MIGA1: variants seen among roughly 807,000 people sequenced by gnomAD.
MIGA1 encodes mitoguardin 1.
Under a neutral mutation model 82.0 loss-of-function variants are expected in MIGA1, and 58 were observed. The observed-to-expected ratio is 0.71, with a 90% CI of 0.57 to 0.88. The LOEUF is 0.88. Ranked by LOEUF, MIGA1 falls within the 40% of genes least tolerant of loss-of-function variation. The pLI, the probability that MIGA1 is intolerant of heterozygous loss-of-function variation, is 0.00. For missense variants in MIGA1, 751 were observed against 749.1 expected, an observed-to-expected ratio of 1.00 and a Z score of -0.03; for synonymous variants, 249 against 253.6, an observed-to-expected ratio of 0.98 and a Z score of 0.17.
intron 12 of MIGA1, 82 bp from the exon 13 acceptor site, chr1:77,863,812 A>T: frequency 9.7e-7 from 1 of 1,036,138 alleles, no homozygotes; most frequent in Non-Finnish European, 1.4e-6. Context: ...CCCTGCTGTT[A>T]TAAAACCATA....
chr1:77,859,881 T>C, intron 10 of MIGA1, 159 bp from the exon 11 acceptor site: 1 of 553,444 alleles, frequency 1.8e-6, no homozygotes, highest in Non-Finnish European at 3.1e-6. Flanking sequence ...AAGAGTTCTT[T>C]TTATTTTAGT....
Position 77,874,905 on chromosome 1 carries a change from T to A in MIGA1, c.1740T>A (p.Ser580Arg). ...ACTTTGAGAAGGTGCGCTATTCAAG[T>A]ACAGAGACTTTAGCTGAAGACCTCA... The change falls in exon 16 of 16, where the codon AGT becomes AGA. Residue 580 changes from serine (S) to arginine (R), a missense_variant. This residue lies in a region of MIGA1 where 265 missense variants were observed against 293.6 expected (regional missense o/e 0.90). Coordinates refer to ENST00000370791, the MANE Select transcript of MIGA1 (RefSeq NM_198549.4). 6.2e-7 allele frequency: 1 copy of A among 1,614,174 alleles called. No individual in the cohort carries two copies. Among genetic ancestry groups the A allele is most frequent in the East Asian group, 2.2e-5 (1 of 44,870 alleles).
chr1:77,819,674 C>T (rs1290040623), intron 7 of MIGA1, among the ~76,000 whole-genome samples: 1 of 152,084 alleles, frequency 6.6e-6, no homozygotes, highest in African/African-American at 2.4e-5. Context: ...ACCTCTGCCT[C>T]CTGGGCTCAA....
intron 7 of MIGA1, among the ~76,000 whole-genome samples, chr1:77,832,376 A>G (rs1684273955): frequency 6.6e-6 from 1 of 152,260 alleles, no homozygotes; most frequent in Non-Finnish European, 1.5e-5. Flanking sequence ...ATAAAGATGA[A>G]GATTTCATCT....
chr1:77,802,087 A>C (rs1682908212), intron 3 of MIGA1, among the ~76,000 whole-genome samples: 1 of 152,136 alleles, frequency 6.6e-6, no homozygotes, highest in African/African-American at 2.4e-5. Flanking sequence ...AGGATCTTTA[A>C]TTTTTGGTAA....
At chr1:77,825,895 C>T (rs1012628169) in intron 7 of MIGA1, among the ~76,000 whole-genome samples, 3 of 152,016 alleles carry the variant, frequency 2.0e-5, no homozygotes, top group East Asian at 3.9e-4. Context: ...TCTTGCTAGC[C>T]GAGACATTAA....
intron 7 of MIGA1, among the ~76,000 whole-genome samples, chr1:77,826,261 T>C (rs1684023551): frequency 6.6e-6 from 1 of 152,184 alleles, no homozygotes; most frequent in Admixed American, 6.5e-5. Flanking sequence ...AGGTAAGCCA[T>C]GTTTAAACTT....
At chr1:77,840,358 A>C (rs1171022988) in intron 7 of MIGA1, among the ~76,000 whole-genome samples, 1 of 152,188 alleles carries the variant, frequency 6.6e-6, no homozygotes, top group Admixed American at 6.5e-5. Flanking sequence ...ATGACATTGA[A>C]TAGCTGGTTA....
rs2101987164 is a variant in MIGA1, at chr1:77,873,123, A to G, written c.1680+3A>G. The G allele has an allele frequency of 6.2e-7, 1 of 1,607,644 alleles. No individual in the cohort carries two copies. Among genetic ancestry groups the G allele is most frequent in the East Asian group, 2.2e-5 (1 of 44,832 alleles). Reference sequence around the variant, plus strand: ...ATGATTTATGTTGCTTTTTTAAGGTATGTTCAGTCATTGAATCATTTCTCT... The same window carrying G: ...ATGATTTATGTTGCTTTTTTAAGGTGTGTTCAGTCATTGAATCATTTCTCT... On this transcript the variant is annotated splice_donor_region_variant and intron_variant, in intron 15 of 15. Transcript: ENST00000370791.
intron 5 of MIGA1, among the ~76,000 whole-genome samples, chr1:77,809,532 C>T (rs946243670): frequency 6.6e-6 from 1 of 151,804 alleles, no homozygotes; most frequent in Non-Finnish European, 1.5e-5. Context: ...CACAGAAGTA[C>T]AAGACCAACC....
intron 7 of MIGA1, among the ~76,000 whole-genome samples, chr1:77,835,018 A>G (rs1684376317): frequency 6.6e-6 from 1 of 152,220 alleles, no homozygotes; most frequent in Non-Finnish European, 1.5e-5. Context: ...AATCTCTACT[A>G]GAATCTGCTG....
intron 5 of MIGA1, among the ~76,000 whole-genome samples, chr1:77,813,391 T>C (rs1001844588): frequency 6.6e-6 from 1 of 152,230 alleles, no homozygotes; most frequent in African/African-American, 2.4e-5. Flanking sequence ...AGGGATATTT[T>C]GAAACATAGT....
Position 77,806,706 on chromosome 1 carries a change from A to T in MIGA1, c.511-269A>T, listed in dbSNP as rs1683113641. On this transcript the variant is annotated intron_variant, in intron 4 of 15. Coordinates refer to ENST00000370791, the MANE Select transcript of MIGA1 (RefSeq NM_198549.4). ...AAGTGAATGCTTAAAAGAATAAATG[A>T]TATAAACATAACTGCCTGATTTCTG... 2.0e-5 allele frequency among the ~76,000 whole-genome samples: 3 copies of T among 152,220 alleles called. No homozygotes were observed. The South Asian group carries it at 6.2e-4, about 32-fold the overall frequency.
intron 11 of MIGA1, 188 bp downstream of exon 11, chr1:77,860,314 A>G (rs1471641540): frequency 5.7e-6 from 3 of 528,682 alleles, no homozygotes; most frequent in Non-Finnish European, 1.0e-5. Flanking sequence ...TGTTTCTCAT[A>G]AATTATTTCC....
chr1:77,790,165 A>G (rs1004712525), intron 2 of MIGA1, among the ~76,000 whole-genome samples: 2 of 152,242 alleles, frequency 1.3e-5, no homozygotes, highest in Admixed American at 6.5e-5. Context: ...ATATAATTCT[A>G]TGCCAAGCCA....
intron 7 of MIGA1, among the ~76,000 whole-genome samples, chr1:77,840,881 G>A (rs1013037126): frequency 2.6e-5 from 4 of 152,120 alleles, no homozygotes; most frequent in African/African-American, 9.7e-5. Flanking sequence ...AATGAAAATT[G>A]TAAAACTGTG....
chr1:77,819,522 G>A (rs1245943273), intron 7 of MIGA1, among the ~76,000 whole-genome samples: 10 of 152,164 alleles, frequency 6.6e-5, no homozygotes, highest in Admixed American at 5.2e-4. Context: ...GACCTCAGGT[G>A]ATCCACCCAC....
At chr1:77,845,903 G>A (rs1208967328) in intron 8 of MIGA1, among the ~76,000 whole-genome samples, 1 of 148,372 alleles carries the variant, frequency 6.7e-6, no homozygotes, top group African/African-American at 2.5e-5. Flanking sequence ...AGATTTTCCT[G>A]TATAAGCTTT....
At chr1:77,807,852 A>C (rs1683162552) in intron 5 of MIGA1, among the ~76,000 whole-genome samples, 1 of 151,142 alleles carries the variant, frequency 6.6e-6, no homozygotes, top group Admixed American at 6.6e-5. Context: ...ACAGAGTCTC[A>C]CTCTCGCCCA....
Sources: allele counts gnomAD v4.1 joint callset (sites outside exome capture counted in the v4.1 genomes callset), GRCh38; gene constraint gnomAD v4.1.1; regional missense constraint gnomAD v4.1.1; transcripts MANE v1.5; gene names NCBI Gene and HGNC (gene_info 2026-07-23, HGNC 2026-07-21).